Variants in ASTN2 observed in about 807,000 individuals in gnomAD.
The protein encoded by ASTN2 is astrotactin 2, also known as astrotactin-2.
A neutral mutation model predicts 139.8 loss-of-function variants in ASTN2; 54 were observed. The ratio of observed to expected loss-of-function variants is 0.39; its 90% CI spans 0.31 to 0.48. The LOEUF is 0.48. ASTN2 is among the 20% of genes least tolerant of loss of function. The pLI is 0.95. For missense variants in ASTN2, 1,565 were observed against 1,725.1 expected (o/e 0.91, Z 1.64); for synonymous variants, 756 against 719.5 (o/e 1.05, Z -0.81).
chr9:116,900,876 C>A (rs1283323461), intron 10 of ASTN2, among the ~76,000 whole-genome samples: 1 of 152,130 alleles, frequency 6.6e-6, no homozygotes, highest in Admixed American at 6.5e-5. Context: ...TCTCTACGGG[C>A]TTTATTTTAT....
intron 13 of ASTN2, among the ~76,000 whole-genome samples, chr9:116,794,028 C>T (rs1301991309): frequency 6.6e-6 from 1 of 151,148 alleles, no homozygotes; most frequent in African/African-American, 2.4e-5. Context: ...TTGAGCCACA[C>T]ATCAAATACA....
chr9:116,547,535 A>C (rs1852151240), intron 19 of ASTN2: 1 of 152,206 alleles, frequency 6.6e-6, no homozygotes. Flanking sequence ...CTGTGCCTTC[A>C]GGGCTATGTA....
At chr9:116,888,053 C>T (rs1378420913) in intron 10 of ASTN2, among the ~76,000 whole-genome samples, 2 of 152,116 alleles carry the variant, frequency 1.3e-5, no homozygotes, top group Non-Finnish European at 2.9e-5. Flanking sequence ...TTTCATATAT[C>T]ATAAGATCAG....
intron 17 of ASTN2, among the ~76,000 whole-genome samples, chr9:116,647,683 G>T (rs1857668365): frequency 6.6e-6 from 1 of 152,174 alleles, no homozygotes; most frequent in Non-Finnish European, 1.5e-5. Flanking sequence ...GCCCAGAAAG[G>T]CCGTCACTGG....
intron 13 of ASTN2, among the ~76,000 whole-genome samples, chr9:116,744,905 A>G (rs1313057026): frequency 6.6e-6 from 1 of 152,200 alleles, no homozygotes; most frequent in African/African-American, 2.4e-5. Flanking sequence ...GAAGATGGCC[A>G]GATCTCAAGC....
rs538404246 is a variant in ASTN2 at position 117,060,376 on chromosome 9, A to T, written c.1277-20411T>A. Among the ~76,000 whole-genome samples, 76 of 74,798 alleles carry T rather than the reference A, an allele frequency of 1.0e-3. 4 individuals are homozygous for T. The highest frequency in any genetic ancestry group is 5.2e-3 in the African/African-American group (72 of 13,774). The allele number at this position is 74,798 out of a possible 152,430, so 49.1% of individuals were successfully genotyped here. ...AAAGAAAGAAAGAAAGAAAGAAAGA[A>T]AGAAAGAAAGAAAGAAAGAAAGAAA... On this transcript the variant is annotated intron_variant, in intron 5 of 22. Coordinates refer to ENST00000313400, the MANE Select transcript of ASTN2 (RefSeq NM_001365068.1).
At chr9:117,375,685 C>T (rs1830103687) in intron 1 of ASTN2, among the ~76,000 whole-genome samples, 1 of 152,208 alleles carries the variant, frequency 6.6e-6, no homozygotes, top group African/African-American at 2.4e-5. Flanking sequence ...AAGCCCACCA[C>T]TTAGTGAGGA....
chr9:116,658,853 G>C (rs1742827), intron 16 of ASTN2, among the ~76,000 whole-genome samples: 1 of 148,672 alleles, frequency 6.7e-6, no homozygotes, highest in East Asian at 2.0e-4. Context: ...TATTGGGAAA[G>C]ATACGGAGAT....
intron 3 of ASTN2, among the ~76,000 whole-genome samples, chr9:117,148,728 AT>A (rs1305221215): frequency 6.6e-6 from 1 of 152,184 alleles, no homozygotes; most frequent in Non-Finnish European, 1.5e-5. Flanking sequence ...ATCTGTGAAG[AT>A]TTTTTATCTA....
intron 19 of ASTN2, among the ~76,000 whole-genome samples, chr9:116,546,948 T>C (rs995275689): frequency 6.6e-6 from 1 of 152,208 alleles, no homozygotes; most frequent in African/African-American, 2.4e-5. Flanking sequence ...GCAGCTTCTA[T>C]GAGAGTGTCT....
At chr9:117,028,951 C>A (rs1403711010) in intron 6 of ASTN2, among the ~76,000 whole-genome samples, 2 of 152,136 alleles carry the variant, frequency 1.3e-5, no homozygotes, top group East Asian at 3.9e-4. Flanking sequence ...AATGAAGAAA[C>A]TGAGGCCTGA....
intron 4 of ASTN2, among the ~76,000 whole-genome samples, chr9:117,106,221 C>A (rs1340497411): frequency 5.3e-5 from 8 of 151,962 alleles, no homozygotes; most frequent in Non-Finnish European, 1.2e-4. Flanking sequence ...CTACATATTT[C>A]TTTTCTTCTT....
chr9:117,113,328 C>T (rs1298373832), intron 4 of ASTN2, among the ~76,000 whole-genome samples: 1 of 152,174 alleles, frequency 6.6e-6, no homozygotes, highest in Non-Finnish European at 1.5e-5. Context: ...CTGCAACCAA[C>T]CCAAATATCC....
intron 10 of ASTN2, among the ~76,000 whole-genome samples, chr9:116,970,127 AG>A (rs1249554992): frequency 6.6e-6 from 1 of 152,146 alleles, no homozygotes; most frequent in African/African-American, 2.4e-5. Context: ...CTTTCTTATA[AG>A]GGTACTCATT....
At chr9:116,687,057 C>T (rs1192537785) in intron 16 of ASTN2, 3 of 1,301,752 alleles carry the variant, frequency 2.3e-6, no homozygotes, top group Non-Finnish European at 2.9e-6. Context: ...GGCTTATCTC[C>T]TGACTTACTG....
At chr9:116,739,331 G>A (rs1829032982) in intron 13 of ASTN2, among the ~76,000 whole-genome samples, 1 of 152,132 alleles carries the variant, frequency 6.6e-6, no homozygotes, top group South Asian at 2.1e-4. Flanking sequence ...TCTAGACCCT[G>A]CCTACTTACT....
intron 19 of ASTN2, among the ~76,000 whole-genome samples, chr9:116,615,346 AC>A (rs1392090135): frequency 6.6e-6 from 1 of 152,212 alleles, no homozygotes; most frequent in Non-Finnish European, 1.5e-5. Context: ...AACTAGAAAT[AC>A]CATTTGACCC....
At chr9:116,634,315 G>C (rs1230406521) in intron 17 of ASTN2, among the ~76,000 whole-genome samples, 1 of 151,952 alleles carries the variant, frequency 6.6e-6, no homozygotes, top group Non-Finnish European at 1.5e-5. Context: ...ATAGGGCCGG[G>C]CGCGGTGGCT....
chr9:116,466,610 A>G (rs1271759393), intron 20 of ASTN2, among the ~76,000 whole-genome samples: 5 of 152,202 alleles, frequency 3.3e-5, no homozygotes, highest in Non-Finnish European at 7.3e-5. Flanking sequence ...GAGGCAATGC[A>G]GGGCAGAAGT....
Sources: allele counts gnomAD v4.1 joint callset (sites outside exome capture counted in the v4.1 genomes callset), GRCh38; gene constraint gnomAD v4.1.1; transcripts MANE v1.5; gene names NCBI Gene and HGNC (gene_info 2026-07-23, HGNC 2026-07-21).